The following ASCC3 variants were observed in gnomAD, a reference collection of about 807,000 sequenced individuals.
The protein encoded by ASCC3 is activating signal cointegrator 1 complex subunit 3.
ASCC3 carries 158 observed loss-of-function variants against 256.3 expected under a neutral mutation model. The ratio of observed to expected loss-of-function variants is 0.62; its 90% CI spans 0.54 to 0.70. The LOEUF (loss-of-function observed/expected upper bound fraction) is 0.70, where lower values mean the gene tolerates loss of function less well. Among genes scored for constraint, ASCC3 ranks in the 30% least tolerant of loss-of-function variants. The pLI is 0.00. For missense variants in ASCC3, 2,259 were observed against 2,626.0 expected (o/e 0.86, Z 3.05); for synonymous variants, 948 against 883.4 (o/e 1.07, Z -1.30).
intron 5 of ASCC3, among the ~76,000 whole-genome samples, chr6:100,801,130 G>C (rs1021454619): frequency 2.6e-5 from 4 of 152,020 alleles, no homozygotes; most frequent in African/African-American, 9.7e-5. Context: ...TGTTTACTAA[G>C]TACACTTTAG....
chr6:100,766,797 A>C, intron 9 of ASCC3, 92 bp from the exon 10 acceptor site: 3 of 1,454,104 alleles, frequency 2.1e-6, no homozygotes, highest in Non-Finnish European at 2.9e-6. Context: ...TTTATTGTGA[A>C]ATATGTTTCT....
At chr6:100,697,326 A>G (rs1453520727) in intron 13 of ASCC3, among the ~76,000 whole-genome samples, 1 of 152,090 alleles carries the variant, frequency 6.6e-6, no homozygotes, top group Non-Finnish European at 1.5e-5. Context: ...AAAGATGGAT[A>G]GTTAAAAAGG....
intron 8 of ASCC3, among the ~76,000 whole-genome samples, chr6:100,774,018 T>C (rs879824189): frequency 6.1e-4 from 88 of 144,808 alleles, no homozygotes; most frequent in Non-Finnish European, 1.0e-3. Context: ...ATTACATATA[T>C]AGAGGTTTAT....
chr6:100,805,686 T>C (rs1562309931), intron 5 of ASCC3, 74 bp downstream of exon 5: 4 of 1,517,490 alleles, frequency 2.6e-6, no homozygotes, highest in Non-Finnish European at 3.6e-6. Flanking sequence ...TTTTAAAATG[T>C]AATTACATTA....
rs147326701 is a variant in ASCC3 at position 100,590,800 on chromosome 6, T to G, written c.5304-741A>C. On this transcript the variant is annotated intron_variant, in intron 34 of 41. Coordinates refer to ENST00000369162, the MANE Select transcript of ASCC3 (RefSeq NM_006828.4). ...AGAGCAATAGAGAACACTATCTAGATGACAATTTTTGTGATATTTTTCATT... is the reference window on the plus strand; with the variant it reads ...AGAGCAATAGAGAACACTATCTAGAGGACAATTTTTGTGATATTTTTCATT... 6.8e-4 allele frequency among the ~76,000 whole-genome samples: 103 copies of G among 152,216 alleles called. 1 individual carries two copies. The highest frequency in any genetic ancestry group is 1.2e-3 in the Admixed American group (18 of 15,266).
At chr6:100,746,994 C>T (rs964869497) in intron 10 of ASCC3, among the ~76,000 whole-genome samples, 1 of 152,064 alleles carries the variant, frequency 6.6e-6, no homozygotes, top group South Asian at 2.1e-4. Context: ...GAAGGAAATG[C>T]TTGCAAAACA....
rs1158848589 is a variant in ASCC3 at position 100,516,436 on chromosome 6, A to G, written c.5928-109T>C. The G allele has an allele frequency of 6.6e-6, 9 of 1,358,212 alleles. 1 individual carries two copies. Among genetic ancestry groups the G allele is most frequent in the South Asian group, 2.6e-5 (2 of 77,974 alleles). 84.1% of individuals were successfully genotyped at this position (1,358,212 alleles called of 1,614,324 possible). On this transcript the variant is annotated intron_variant, in intron 38 of 41. Coordinates refer to ENST00000369162, the MANE Select transcript of ASCC3 (RefSeq NM_006828.4). ...GCTTTTTTTGTTTTAATTAAGAAATAACATTTTAAGACCATTATGCTAAGT... is the reference window on the plus strand; with the variant it reads ...GCTTTTTTTGTTTTAATTAAGAAATGACATTTTAAGACCATTATGCTAAGT...
Position 100,805,769 on chromosome 6 carries a change from C to G in ASCC3, c.913G>C (p.Ala305Pro), listed in dbSNP as rs768860627. Residue 305 changes from alanine (A) to proline (P), a missense_variant, in exon 5 of 42, where the codon GCT (alanine) becomes CCT (proline). Ala to Pro is a conservative substitution (Grantham distance 27, BLOSUM62 -1). Around this residue, in one of 2 missense-constraint regions of ASCC3, gnomAD observed 420 missense variants for 419.3 expected, o/e 1.00. Coordinates refer to ENST00000369162, the MANE Select transcript of ASCC3 (RefSeq NM_006828.4). ...CTGCATACTTTCTTACCTTGAAGAG[C>G]CTGAAACCTATGATCATTTGAAGAA... ...LNSSNDHRFQALQDNCKKILG... is the reference protein window; with the variant it reads ...LNSSNDHRFQPLQDNCKKILG... 5 of 1,610,764 alleles carry G rather than the reference C, an allele frequency of 3.1e-6. No homozygotes were observed. Among genetic ancestry groups the G allele is most frequent in the South Asian group, 1.1e-5 (1 of 91,004 alleles).
chr6:100,835,428 C>A lies in ASCC3; in HGVS notation c.801+12720G>T, dbSNP rs1396172609. Among the ~76,000 whole-genome samples, 11 of 152,048 alleles carry A rather than the reference C, an allele frequency of 7.2e-5. No individual in the cohort carries two copies. In the East Asian group the frequency reaches 2.1e-3, roughly 29 times the overall value. ...ATTTCAGATATCAGTTAAGTCATTACACTATTTTGAGTTGATTTTTGTACA... is the reference window on the plus strand; with the variant it reads ...ATTTCAGATATCAGTTAAGTCATTAAACTATTTTGAGTTGATTTTTGTACA... On this transcript the variant is annotated intron_variant, in intron 4 of 41. Transcript: ENST00000369162.
At chr6:100,736,568 C>T (rs1780180065) in intron 10 of ASCC3, among the ~76,000 whole-genome samples, 1 of 152,106 alleles carries the variant, frequency 6.6e-6, no homozygotes, top group Non-Finnish European at 1.5e-5. Context: ...GAAATGTTCT[C>T]CTCCCTAATC....
chr6:100,818,317 C>T (rs1327696907), intron 4 of ASCC3, among the ~76,000 whole-genome samples: 1 of 151,878 alleles, frequency 6.6e-6, no homozygotes, highest in Non-Finnish European at 1.5e-5. Context: ...GCTTGTAATC[C>T]CAGCACTTTG....
chr6:100,656,766 A>T lies in ASCC3; in HGVS notation c.2704-948T>A, dbSNP rs376698447. 2.0e-5 allele frequency among the ~76,000 whole-genome samples: 3 copies of T among 151,288 alleles called. No individual in the cohort carries two copies. The East Asian group carries it at 5.8e-4, about 29-fold the overall frequency. On this transcript the variant is annotated intron_variant, in intron 16 of 41. Coordinates refer to ENST00000369162, the MANE Select transcript of ASCC3 (RefSeq NM_006828.4). Reference sequence around the variant, plus strand: ...CTTAGCCAATGGTTCTATAGGTAGTAATTTTATTTTTACTTAAGGTACTTA... The same window carrying T: ...CTTAGCCAATGGTTCTATAGGTAGTTATTTTATTTTTACTTAAGGTACTTA...
intron 14 of ASCC3, among the ~76,000 whole-genome samples, chr6:100,676,024 T>C (rs1562218163): frequency 6.6e-6 from 1 of 152,142 alleles, no homozygotes; most frequent in South Asian, 2.1e-4. Context: ...ATTTTATAAA[T>C]ATAAACTGCT....
chr6:100,520,313 TG>T (rs902158945), intron 37 of ASCC3, among the ~76,000 whole-genome samples: 7 of 152,154 alleles, frequency 4.6e-5, no homozygotes, highest in Admixed American at 3.9e-4. Context: ...CTGATCTGTC[TG>T]GTCCTTGCTT....
intron 1 of ASCC3, among the ~76,000 whole-genome samples, chr6:100,880,815 A>T (rs1015477233): frequency 6.6e-6 from 1 of 152,246 alleles, no homozygotes; most frequent in Admixed American, 6.5e-5. Flanking sequence ...CTTGGACAAT[A>T]TGTAGCTTAG....
chr6:100,766,934 GA>G (rs2115130990), intron 9 of ASCC3, among the ~76,000 whole-genome samples: 1 of 152,268 alleles, frequency 6.6e-6, no homozygotes, highest in South Asian at 2.1e-4. Flanking sequence ...AAATTGTATA[GA>G]TGTATTTTCA....
At chr6:100,519,608 C>T (rs953106571) in intron 37 of ASCC3, among the ~76,000 whole-genome samples, 3 of 152,018 alleles carry the variant, frequency 2.0e-5, no homozygotes, top group Admixed American at 6.6e-5. Flanking sequence ...AAGAGAAATG[C>T]GTAATTATAC....
chr6:100,686,846 T>C (rs1777588905), intron 13 of ASCC3, among the ~76,000 whole-genome samples: 1 of 152,174 alleles, frequency 6.6e-6, no homozygotes, highest in Admixed American at 6.5e-5. Flanking sequence ...TTTGGGGCTT[T>C]ATTCTTTTCT....
chr6:100,837,936 C>T (rs896345715), intron 4 of ASCC3, among the ~76,000 whole-genome samples: 5 of 152,006 alleles, frequency 3.3e-5, no homozygotes, highest in Admixed American at 6.6e-5. Context: ...TTATGCTAAA[C>T]ACTCTGATTT....
Sources: gnomAD v4.1 joint callset for allele counts (sites outside exome capture counted in the v4.1 genomes callset) on GRCh38, gnomAD v4.1.1 for gene constraint, gnomAD v4.1.1 regional missense constraint, MANE v1.5 for transcripts, NCBI Gene and HGNC (gene_info 2026-07-23, HGNC 2026-07-21) for gene names.